The following XNDC1N variants were observed in gnomAD, a reference collection of about 807,000 sequenced individuals.
XNDC1N encodes the protein protein XNDC1N.
At chr11:71,866,297 G>C in the XNDC1N span, among the ~76,000 whole-genome samples, 2 of 152,116 alleles carry the variant, frequency 1.3e-5, no homozygotes, top group Admixed American at 1.3e-4. Context: ...GGGAAAGGCT[G>C]TCTGTGCCTT....
At chr11:71,872,600 C>A in the XNDC1N span, among the ~76,000 whole-genome samples, 2 of 151,898 alleles carry the variant, frequency 1.3e-5, no homozygotes, top group Non-Finnish European at 2.9e-5. Context: ...TGGTGGCGGG[C>A]GCCTGTAATC....
chr11:71,924,988 C>T, the XNDC1N span, among the ~76,000 whole-genome samples: 1 of 151,878 alleles, frequency 6.6e-6, no homozygotes, highest in Non-Finnish European at 1.5e-5. Context: ...CTTTTTCTTA[C>T]CCTCCCCACC....
At chr11:71,924,810 C>T in the XNDC1N span, among the ~76,000 whole-genome samples, 1 of 152,288 alleles carries the variant, frequency 6.6e-6, no homozygotes, top group South Asian at 2.1e-4. Flanking sequence ...GCATCCATCA[C>T]CTTACTTCAA....
At chr11:71,884,621 T>C in the XNDC1N span, 205 of 1,540,752 alleles carry the variant, frequency 1.3e-4, no homozygotes, top group Middle Eastern at 1.1e-3. Flanking sequence ...AACTCTCTTA[T>C]CTATGAATAA....
chr11:71,917,302 C>G, the XNDC1N span: 1 of 666,046 alleles, frequency 1.5e-6, no homozygotes. Context: ...GCATGAGCCA[C>G]CACGCCTGGC....
the XNDC1N span, among the ~76,000 whole-genome samples, chr11:71,875,220 ATATT>A: frequency 9.2e-5 from 14 of 152,126 alleles, no homozygotes; most frequent in Admixed American, 2.6e-4. Flanking sequence ...GTATAGGAAA[ATATT>A]TATAATAAAG....
At chr11:71,883,945 T>C in the XNDC1N span, among the ~76,000 whole-genome samples, 1 of 152,172 alleles carries the variant, frequency 6.6e-6, no homozygotes, top group African/African-American at 2.4e-5. Context: ...GCTTTTCCAC[T>C]TTTCCACCAC....
the XNDC1N span, among the ~76,000 whole-genome samples, chr11:71,900,277 C>T: frequency 6.6e-6 from 1 of 152,200 alleles, no homozygotes; most frequent in Admixed American, 6.5e-5. Flanking sequence ...CCTGGGCTCA[C>T]TGTTGTTTCT....
chr11:71,899,812 GT>G, the XNDC1N span, among the ~76,000 whole-genome samples: 3,537 of 147,188 alleles, frequency 0.024, 1 homozygote, highest in African/African-American at 0.081. Context: ...TAAAGGGTCT[GT>G]GCTGAGGTGG....
the XNDC1N span, among the ~76,000 whole-genome samples, chr11:71,902,189 CTTTTTGT>C: frequency 6.6e-5 from 10 of 152,202 alleles, no homozygotes; most frequent in East Asian, 3.9e-4. Flanking sequence ...TTACTTGATT[CTTTTTGT>C]TTTTTGTTTT....
chr11:71,868,864 A>G, the XNDC1N span, among the ~76,000 whole-genome samples: 12 of 152,070 alleles, frequency 7.9e-5, no homozygotes, highest in East Asian at 3.9e-4. Context: ...GATATCCTCA[A>G]ATATGTTTCC....
the XNDC1N span, among the ~76,000 whole-genome samples, chr11:71,925,594 C>A: frequency 6.6e-6 from 1 of 152,158 alleles, no homozygotes; most frequent in Non-Finnish European, 1.5e-5. Context: ...AATCTTTCCT[C>A]TTCTGCTAGA....
chr11:71,926,604 A>G, the XNDC1N span, among the ~76,000 whole-genome samples: 1 of 152,218 alleles, frequency 6.6e-6, no homozygotes, highest in Non-Finnish European at 1.5e-5. Context: ...CAACGTATCT[A>G]AAAAATTATA....
the XNDC1N span, among the ~76,000 whole-genome samples, chr11:71,892,863 T>A: frequency 1.3e-5 from 2 of 152,138 alleles, no homozygotes; most frequent in African/African-American, 4.8e-5. Context: ...AGCTCCCATT[T>A]TTGAGTGTGC....
the XNDC1N span, chr11:71,916,059 C>A: frequency 1.4e-6 from 1 of 695,320 alleles, no homozygotes; most frequent in Non-Finnish European, 2.6e-6. Flanking sequence ...ATCCTCACTC[C>A]ATCATCATAC....
chr11:71,897,650 G>A, the XNDC1N span, among the ~76,000 whole-genome samples: 1 of 152,208 alleles, frequency 6.6e-6, no homozygotes, highest in Admixed American at 6.5e-5. Flanking sequence ...AAAATAGTAT[G>A]GCGTGTACTG....
At chr11:71,872,239 C>T in the XNDC1N span, among the ~76,000 whole-genome samples, 8 of 152,314 alleles carry the variant, frequency 5.3e-5, no homozygotes, top group African/African-American at 1.7e-4. Context: ...TTGTCTGCAA[C>T]CTCAACACAG....
chr11:71,918,825 T>C, the XNDC1N span: 1 of 695,194 alleles, frequency 1.4e-6, no homozygotes, highest in Non-Finnish European at 2.6e-6. Context: ...AGTGGAGTAG[T>C]TAGAGGGGAC....
the XNDC1N span, among the ~76,000 whole-genome samples, chr11:71,872,100 C>T: frequency 6.6e-6 from 1 of 152,078 alleles, no homozygotes; most frequent in Admixed American, 6.5e-5. Flanking sequence ...AGAACAAATA[C>T]TAATAGATGA....
Sources: gnomAD v4.1 joint callset for allele counts (sites outside exome capture counted in the v4.1 genomes callset) on GRCh38, gnomAD v4.1.1 for gene constraint, MANE v1.5 for transcripts, NCBI Gene and HGNC (gene_info 2026-07-23, HGNC 2026-07-21) for gene names.